The following KCNT2 variants were observed in gnomAD, a reference collection of about 807,000 sequenced individuals.
KCNT2 encodes potassium sodium-activated channel subfamily T member 2, also known as potassium channel subfamily T member 2.
A neutral mutation model predicts 153.8 loss-of-function variants in KCNT2; 67 were observed. The ratio of observed to expected loss-of-function variants is 0.44; its 90% CI spans 0.36 to 0.53. The LOEUF is 0.53. KCNT2 is among the 20% of genes least tolerant of loss of function. The pLI is 0.00. For synonymous variants in KCNT2, 500 were observed against 458.8 expected, an observed-to-expected ratio of 1.09 and a Z score of -1.15; for missense variants, 975 against 1,354.8, an observed-to-expected ratio of 0.72 and a Z score of 4.40.
chr1:196,228,434 T>A, intron 27 of KCNT2, 99 bp from the exon 28 acceptor site: 1 of 685,106 alleles, frequency 1.5e-6, no homozygotes. Context: ...TGTTCAGTTT[T>A]CAGATTATCT....
chr1:196,440,222 G>A (rs1404142039), intron 8 of KCNT2, among the ~76,000 whole-genome samples: 2 of 151,794 alleles, frequency 1.3e-5, no homozygotes, highest in African/African-American at 2.4e-5. Context: ...TATTACCACA[G>A]GATTTTTAAA....
chr1:196,470,971 C>T (rs1358309722), intron 5 of KCNT2, among the ~76,000 whole-genome samples: 1 of 150,026 alleles, frequency 6.7e-6, no homozygotes, highest in Non-Finnish European at 1.5e-5. Flanking sequence ...GCTCCGCCTC[C>T]CTGGGTTCAT....
rs561943249 is a variant in KCNT2 at position 196,529,261 on chromosome 1, A to G, written c.96-36920T>C. ...TGTAATGTAAGTTCATTGAAACTAC[A>G]GATTATGAAAAGTACTCTATTTTGG... On this transcript the variant is annotated intron_variant, in intron 1 of 27. Coordinates refer to ENST00000294725, the MANE Select transcript of KCNT2 (RefSeq NM_198503.5). Among the ~76,000 whole-genome samples the G allele has an allele frequency of 1.4e-4, 22 of 152,320 alleles. 1 individual carries two copies. Among genetic ancestry groups the G allele is most frequent in the Admixed American group, 1.0e-3 (16 of 15,292 alleles).
chr1:196,509,747 G>T (rs947174608), intron 1 of KCNT2, among the ~76,000 whole-genome samples: 1 of 152,142 alleles, frequency 6.6e-6, no homozygotes, highest in Admixed American at 6.6e-5. Flanking sequence ...ATTAAGTAAT[G>T]AAGTAATAAA....
intron 14 of KCNT2, among the ~76,000 whole-genome samples, chr1:196,349,814 G>A (rs945349744): frequency 3.3e-5 from 5 of 151,562 alleles, no homozygotes; most frequent in African/African-American, 1.2e-4. Context: ...CCATTAACTC[G>A]TCATTTAGCA....
chr1:196,379,535 G>A (rs1669281787), intron 13 of KCNT2, among the ~76,000 whole-genome samples: 1 of 150,428 alleles, frequency 6.6e-6, no homozygotes, highest in South Asian at 2.1e-4. Context: ...CTGTGTCACT[G>A]CACTCCAGCC....
chr1:196,605,246 TG>T (rs1158995055), intron 1 of KCNT2, among the ~76,000 whole-genome samples: 9 of 152,194 alleles, frequency 5.9e-5, no homozygotes, highest in African/African-American at 1.7e-4. Context: ...GAGATAGGAT[TG>T]CAGCAAAAGC....
chr1:196,410,526 C>A (rs1407420656), intron 12 of KCNT2, among the ~76,000 whole-genome samples: 1 of 151,068 alleles, frequency 6.6e-6, no homozygotes, highest in Non-Finnish European at 1.5e-5. Context: ...ATGTAACTAA[C>A]CTGCACGTTG....
intron 1 of KCNT2, among the ~76,000 whole-genome samples, chr1:196,544,075 C>T (rs1046633923): frequency 1.6e-4 from 24 of 152,190 alleles, no homozygotes; most frequent in African/African-American, 5.1e-4. Flanking sequence ...AAATCACTCA[C>T]GCACAGCAAC....
chr1:196,490,940 C>T (rs1572626929), intron 2 of KCNT2, among the ~76,000 whole-genome samples: 2 of 152,052 alleles, frequency 1.3e-5, no homozygotes, highest in South Asian at 2.1e-4. Context: ...CTTGTGGTAA[C>T]AGTTCTTACC....
At chr1:196,391,002 G>A (rs920091126) in intron 13 of KCNT2, among the ~76,000 whole-genome samples, 3 of 148,532 alleles carry the variant, frequency 2.0e-5, no homozygotes, top group Non-Finnish European at 4.5e-5. Flanking sequence ...ACTATCTATT[G>A]TAGGTGTATG....
chr1:196,331,735 A>T (rs910566082), intron 17 of KCNT2, among the ~76,000 whole-genome samples: 2 of 152,190 alleles, frequency 1.3e-5, no homozygotes, highest in Admixed American at 6.5e-5. Flanking sequence ...TTTCATTTTT[A>T]AAAAATAAAT....
intron 5 of KCNT2, among the ~76,000 whole-genome samples, chr1:196,469,516 A>G (rs1291828410): frequency 6.6e-6 from 1 of 152,184 alleles, no homozygotes; most frequent in African/African-American, 2.4e-5. Flanking sequence ...ACTTTAATAC[A>G]ATTTAAAGAA....
chr1:196,446,277 T>C (rs927032534), intron 8 of KCNT2, among the ~76,000 whole-genome samples: 2 of 151,504 alleles, frequency 1.3e-5, no homozygotes, highest in African/African-American at 2.4e-5. Context: ...CTCTATACTT[T>C]TTCACTCCAT....
At chr1:196,503,320 A>T (rs1558016125) in intron 1 of KCNT2, among the ~76,000 whole-genome samples, 1 of 152,162 alleles carries the variant, frequency 6.6e-6, no homozygotes, top group African/African-American at 2.4e-5. Context: ...AAACATACAC[A>T]TGTGTATGAT....
At chr1:196,352,005 A>AT (rs1404448626) in intron 14 of KCNT2, among the ~76,000 whole-genome samples, 1 of 152,120 alleles carries the variant, frequency 6.6e-6, no homozygotes, top group Non-Finnish European at 1.5e-5. Flanking sequence ...GCTGGATTAC[A>AT]TTTATTGATT....
intron 3 of KCNT2, among the ~76,000 whole-genome samples, chr1:196,488,500 T>A (rs1679609975): frequency 6.6e-6 from 1 of 152,006 alleles, no homozygotes; most frequent in South Asian, 2.1e-4. Context: ...TCAAATAATA[T>A]AATTTTACTC....
rs542652367 is a variant in KCNT2, at chr1:196,426,126, A to T, written c.985-138T>A. ...TTTTGCTAATAAAATTTCACATTTA[A>T]AACCTGGACATATATTAAATAGCAA... is the stretch of plus-strand genomic sequence containing the variant. On this transcript the variant is annotated intron_variant, in intron 10 of 27. Transcript: ENST00000294725. The T allele has an allele frequency of 4.7e-5, 30 of 635,314 alleles. No homozygotes were observed. In the South Asian group the frequency reaches 6.0e-4, roughly 13 times the overall value. 39.4% of individuals were successfully genotyped at this position (635,314 alleles called of 1,614,324 possible).
intron 1 of KCNT2, among the ~76,000 whole-genome samples, chr1:196,578,160 T>C (rs1661589881): frequency 6.9e-6 from 1 of 144,804 alleles, no homozygotes; most frequent in Admixed American, 7.0e-5. Flanking sequence ...GGAATCAAAA[T>C]TAGGAAACCT....
Sources: allele counts gnomAD v4.1 joint callset (sites outside exome capture counted in the v4.1 genomes callset), GRCh38; gene constraint gnomAD v4.1.1; transcripts MANE v1.5; gene names NCBI Gene and HGNC (gene_info 2026-07-23, HGNC 2026-07-21).